Variants in DGKB observed in about 807,000 individuals in gnomAD.
DGKB encodes 90 kDa diacylglycerol kinase.
DGKB carries 67 observed loss-of-function variants against 114.3 expected under a neutral mutation model. The ratio of observed to expected loss-of-function variants is 0.59; its 90% confidence interval spans 0.48 to 0.72. DGKB has a LOEUF of 0.72. DGKB is among the 30% of genes least tolerant of loss of function. The pLI, the probability that DGKB is intolerant of heterozygous loss-of-function variation, is 0.00. For synonymous variants in DGKB, 398 were observed against 323.1 expected (o/e 1.23, Z -2.49); for missense variants, 907 against 975.2 (o/e 0.93, Z 0.93).
At chr7:14,310,890 T>C (rs773661992) in intron 23 of DGKB, among the ~76,000 whole-genome samples, 6 of 152,060 alleles carry the variant, frequency 3.9e-5, no homozygotes, top group Non-Finnish European at 7.4e-5. Flanking sequence ...CCCAGCACTT[T>C]GGGGAAGGTG....
intron 23 of DGKB, among the ~76,000 whole-genome samples, chr7:14,266,918 C>T (rs117879803): frequency 3.5e-4 from 54 of 152,224 alleles, no homozygotes; most frequent in Non-Finnish European, 6.5e-4. Context: ...ATAACTGTAA[C>T]AGGTTTTTTG....
chr7:14,508,723 A>G (rs912106095), intron 20 of DGKB, among the ~76,000 whole-genome samples: 1 of 152,226 alleles, frequency 6.6e-6, no homozygotes, highest in Admixed American at 6.5e-5. Flanking sequence ...TAAGGTTGAA[A>G]ATACTTTGAA....
chr7:14,533,706 C>T (rs937577061), intron 20 of DGKB, among the ~76,000 whole-genome samples: 3 of 151,842 alleles, frequency 2.0e-5, no homozygotes, highest in African/African-American at 7.2e-5. Flanking sequence ...AAGGCAACAC[C>T]TATAAACTAT....
In DGKB at chr7:14,716,708, ATTG is replaced by A. The variant is rs1466686767; in HGVS notation, c.466+1831_466+1833del. 3.3e-5 allele frequency among the ~76,000 whole-genome samples: 5 copies of A among 152,230 alleles called. No homozygotes were observed. The East Asian group carries it at 9.7e-4, about 29-fold the overall frequency. On this transcript the variant is annotated intron_variant, in intron 6 of 25. Transcript: ENST00000402815. ...TTAAGAAAGTGGATGAGGAAGATTG[ATTG>A]TTATTTAATTGACACAGGAAAGAGC...
intron 13 of DGKB, among the ~76,000 whole-genome samples, chr7:14,631,469 A>G (rs1228303470): frequency 1.3e-5 from 2 of 151,950 alleles, no homozygotes; most frequent in Non-Finnish European, 2.9e-5. Context: ...TTTCCATAAT[A>G]TAAGTAGAAA....
chr7:14,910,344 C>A (rs928108516), intron 1 of DGKB, among the ~76,000 whole-genome samples: 2 of 143,298 alleles, frequency 1.4e-5, no homozygotes, highest in Non-Finnish European at 3.0e-5. Context: ...AGGCAAAAAA[C>A]AAAACAAAAC....
At chr7:14,959,298 A>T (rs1786700983) in intron 1 of DGKB, among the ~76,000 whole-genome samples, 1 of 151,482 alleles carries the variant, frequency 6.6e-6, no homozygotes, top group Admixed American at 6.6e-5. Flanking sequence ...TAGCTGGTTT[A>T]TGTGAAAGCT....
At chr7:14,329,992 C>T (rs1179413730) in intron 23 of DGKB, among the ~76,000 whole-genome samples, 1 of 151,882 alleles carries the variant, frequency 6.6e-6, no homozygotes, top group Non-Finnish European at 1.5e-5. Flanking sequence ...GCCACAGAAA[C>T]AAATAAGATG....
intron 21 of DGKB, among the ~76,000 whole-genome samples, chr7:14,412,177 A>G (rs1052339948): frequency 1.3e-5 from 2 of 152,198 alleles, no homozygotes; most frequent in Non-Finnish European, 2.9e-5. Flanking sequence ...TCACCTATTC[A>G]GAAAAAATTT....
chr7:14,768,241 C>T (rs536318571), intron 2 of DGKB, among the ~76,000 whole-genome samples: 6 of 151,938 alleles, frequency 3.9e-5, no homozygotes, highest in South Asian at 4.1e-4. Flanking sequence ...ATGGTATGTC[C>T]GGAGGCATGA....
At chr7:14,489,867 G>A (rs577945229) in intron 20 of DGKB, among the ~76,000 whole-genome samples, 28 of 152,192 alleles carry the variant, frequency 1.8e-4, no homozygotes, top group African/African-American at 5.1e-4. Flanking sequence ...TCAAAGGCGC[G>A]GGAGGATATA....
intron 2 of DGKB, among the ~76,000 whole-genome samples, chr7:14,831,386 A>G (rs1252221519): frequency 6.6e-6 from 1 of 152,026 alleles, no homozygotes; most frequent in East Asian, 1.9e-4. Flanking sequence ...TCTACAGCCT[A>G]TGTTCCAGAC....
Position 14,183,417 on chromosome 7 carries a change from A to T in DGKB, c.2123-5266T>A, listed in dbSNP as rs1782927307. Among the ~76,000 whole-genome samples the T allele has an allele frequency of 2.0e-5, 3 of 152,172 alleles. No homozygotes were observed. The South Asian group carries it at 6.2e-4, about 31-fold the overall frequency. On this transcript the variant is annotated intron_variant, in intron 23 of 25. Coordinates refer to ENST00000402815, the MANE Select transcript of DGKB (RefSeq NM_001350709.2). ...TTTTAGCAAAAATTTATTAATATAA[A>T]CTGTGTTTCAGAGTACAAGTATGTA...
intron 20 of DGKB, among the ~76,000 whole-genome samples, chr7:14,522,126 G>A (rs1325272812): frequency 6.6e-6 from 1 of 152,088 alleles, no homozygotes. Context: ...TACCACCTTG[G>A]TTATTAAGTG....
chr7:14,484,545 T>C (rs1207779222), intron 20 of DGKB, among the ~76,000 whole-genome samples: 1 of 152,318 alleles, frequency 6.6e-6, no homozygotes, highest in African/African-American at 2.4e-5. Context: ...GAGGCACCTG[T>C]TGCCCCTTTG....
upstream of DGKB, among the ~76,000 whole-genome samples, chr7:14,906,352 A>G (rs774152646): frequency 6.6e-6 from 1 of 152,106 alleles, no homozygotes; most frequent in African/African-American, 2.4e-5. Context: ...TAATTCTTAA[A>G]CAAACAAAAT....
chr7:14,199,313 TG>T lies in DGKB; in HGVS notation c.2123-21163del, dbSNP rs563484129. Among the ~76,000 whole-genome samples the T allele has an allele frequency of 3.6e-3, 552 of 151,760 alleles. 1 individual carries two copies. Among genetic ancestry groups the T allele is most frequent in the African/African-American group, 0.013 (527 of 41,390 alleles). On this transcript the variant is annotated intron_variant, in intron 23 of 25. Transcript: ENST00000402815. ...CATTTGGCTACAAATATTAAAGTGG[TG>T]GGGGGAATACAGAATGAATAGGAAA...
At chr7:14,231,135 C>CTTTCTTTCTTTT (rs1554297222) in intron 23 of DGKB, among the ~76,000 whole-genome samples, 67 of 111,830 alleles carry the variant, frequency 6.0e-4, no homozygotes, top group Non-Finnish European at 1.1e-3. Flanking sequence ...TTCTTTCTTT[C>CTTTCTTTCTTTT]TTTCTTTCTT....
chr7:14,512,613 C>T (rs1048560431), intron 20 of DGKB, among the ~76,000 whole-genome samples: 10 of 151,970 alleles, frequency 6.6e-5, no homozygotes, highest in African/African-American at 2.4e-4. Flanking sequence ...ATCTGACTTC[C>T]AGCCATTGAG....
Sources: allele counts gnomAD v4.1 joint callset (sites outside exome capture counted in the v4.1 genomes callset), GRCh38; gene constraint gnomAD v4.1.1; transcripts MANE v1.5; gene names NCBI Gene and HGNC (gene_info 2026-07-23, HGNC 2026-07-21).